Variants in TRPS1 observed in about 807,000 individuals in gnomAD.
The protein encoded by TRPS1 is zinc finger transcription factor Trps1.
TRPS1 carries 6 observed loss-of-function variants against 101.2 expected under a neutral mutation model. The ratio of observed to expected loss-of-function variants is 0.06; its 90% CI spans 0.03 to 0.12. The LOEUF is 0.12. Ranked by LOEUF, TRPS1 falls within the 10% of genes least tolerant of loss-of-function variation. The pLI, the probability that TRPS1 is intolerant of heterozygous loss-of-function variation, is 1.00. For missense variants in TRPS1, 1,363 were observed against 1,567.0 expected, an observed-to-expected ratio of 0.87 and a Z score of 2.20; for synonymous variants, 578 against 589.8, an observed-to-expected ratio of 0.98 and a Z score of 0.29.
rs540767387 is a variant in TRPS1, at chr8:115,539,750, C to T, written c.2700+47251G>A. On this transcript the variant is annotated intron_variant, in intron 5 of 6. Transcript: ENST00000395715. ...GCACACACCTGTAGTCTCAGCTACT[C>T]GGGAGGCCGAGATAGTAGGATTGCT... Among the ~76,000 whole-genome samples, 27 of 152,194 alleles carry T rather than the reference C, an allele frequency of 1.8e-4. No individual in the cohort carries two copies. In the South Asian group the frequency reaches 5.0e-3, roughly 28 times the overall value.
chr8:115,667,682 G>A (rs2130642696), intron 1 of TRPS1, among the ~76,000 whole-genome samples: 1 of 152,328 alleles, frequency 6.6e-6, no homozygotes, highest in Middle Eastern at 3.4e-3. Flanking sequence ...CCGCTCTGAG[G>A]CGGGTGCACC....
intron 5 of TRPS1, among the ~76,000 whole-genome samples, chr8:115,580,846 C>CA (rs945085219): frequency 6.6e-6 from 1 of 152,006 alleles, no homozygotes; most frequent in East Asian, 1.9e-4. Flanking sequence ...GGAGGCTCCT[C>CA]AAAAAAACCG....
intron 5 of TRPS1, among the ~76,000 whole-genome samples, chr8:115,535,128 CAT>C (rs1457741947): frequency 4.1e-5 from 6 of 145,094 alleles, no homozygotes; most frequent in African/African-American, 7.6e-5. Context: ...ATATGTATAG[CAT>C]ATATATAGCA....
At chr8:115,542,638 G>A (rs1413986065) in intron 5 of TRPS1, among the ~76,000 whole-genome samples, 1 of 152,074 alleles carries the variant, frequency 6.6e-6, no homozygotes, top group African/African-American at 2.4e-5. Context: ...TTTGCACCCT[G>A]CTTTTAGACT....
chr8:115,559,761 A>C (rs1445100659), intron 5 of TRPS1, among the ~76,000 whole-genome samples: 1 of 152,118 alleles, frequency 6.6e-6, no homozygotes, highest in African/African-American at 2.4e-5. Flanking sequence ...AATTCCTGTA[A>C]AATCTTACCC....
intron 4 of TRPS1, among the ~76,000 whole-genome samples, chr8:115,588,229 GAAAT>G (rs1013781107): frequency 2.0e-5 from 3 of 151,850 alleles, no homozygotes; most frequent in Non-Finnish European, 2.9e-5. Flanking sequence ...TTTTAAAAAA[GAAAT>G]AAAGTGTTCT....
At position 115,593,510 on chromosome 8, in the gene TRPS1, G is replaced by C. The variant is rs559336815; in HGVS notation, c.2097-5906C>G. Among the ~76,000 whole-genome samples the C allele has an allele frequency of 2.0e-5, 3 of 152,224 alleles. No homozygotes were observed. In the South Asian group the frequency reaches 6.2e-4, roughly 32 times the overall value. The stretch of plus-strand genomic sequence containing the variant: ...TCAGGAATTAGTACCTAAAAGATTT[G>C]AGCATATTTTCTGACATGTATCAGT... On this transcript the variant is annotated intron_variant, in intron 4 of 6. Transcript: ENST00000395715.
At chr8:115,422,297 A>G (rs1226020576) in intron 5 of TRPS1, among the ~76,000 whole-genome samples, 1 of 152,036 alleles carries the variant, frequency 6.6e-6, no homozygotes, top group East Asian at 1.9e-4. Flanking sequence ...ATTAATCTGG[A>G]GTTGGGCAGA....
At chr8:115,608,333 A>T (rs887993694) in intron 3 of TRPS1, among the ~76,000 whole-genome samples, 2 of 152,224 alleles carry the variant, frequency 1.3e-5, no homozygotes, top group African/African-American at 2.4e-5. Context: ...ACACGTATTT[A>T]TCCCTCTAAT....
chr8:115,532,305 T>G (rs1482363105), intron 5 of TRPS1, among the ~76,000 whole-genome samples: 1 of 152,020 alleles, frequency 6.6e-6, no homozygotes, highest in Non-Finnish European at 1.5e-5. Flanking sequence ...AATATTTGAC[T>G]GATGAAAACT....
chr8:115,523,431 T>A (rs1429325122), intron 5 of TRPS1, among the ~76,000 whole-genome samples: 12 of 152,186 alleles, frequency 7.9e-5, no homozygotes, highest in Non-Finnish European at 1.8e-4. Context: ...AAGTTTAGTA[T>A]CTGGAAAGCA....
intron 5 of TRPS1, among the ~76,000 whole-genome samples, chr8:115,555,515 CT>C (rs966713777): frequency 2.8e-4 from 42 of 147,588 alleles, no homozygotes; most frequent in Admixed American, 9.5e-4. Flanking sequence ...GCAAGTACTT[CT>C]TTTTTTTTTT....
At chr8:115,571,589 G>T (rs553195973) in intron 5 of TRPS1, among the ~76,000 whole-genome samples, 2 of 152,174 alleles carry the variant, frequency 1.3e-5, no homozygotes, top group South Asian at 4.1e-4. Flanking sequence ...ATGTGATACA[G>T]TATTAAGATA....
chr8:115,414,656 G>A lies in TRPS1; in HGVS notation c.3252C>T (p.Tyr1084=). ...SSERGSPIEK[Y]MRPAKHPNYS... The stretch of plus-strand genomic sequence containing the variant: ...AATTTGGGTGTTTCGCAGGTCTCAT[G>A]TACTTTTCTATAGGACTGCCTCTCT... Residue 1084 remains tyrosine (Y), a synonymous_variant, in exon 7 of 7, where the codon TAC becomes TAT. Coordinates refer to ENST00000395715, the MANE Select transcript of TRPS1 (RefSeq NM_014112.5). The surrounding 1 kb of genome is among the most constrained non-coding windows in gnomAD (Gnocchi z 4.8). 1 of 1,614,096 alleles carries A rather than the reference G, an allele frequency of 6.2e-7. No individual in the cohort carries two copies. Among genetic ancestry groups the A allele is most frequent in the Admixed American group, 1.7e-5 (1 of 60,016 alleles).
intron 5 of TRPS1, among the ~76,000 whole-genome samples, chr8:115,425,617 T>C (rs1479162339): frequency 6.6e-6 from 1 of 152,204 alleles, no homozygotes; most frequent in Non-Finnish European, 1.5e-5. Context: ...CTAAACACAT[T>C]AGCTCCATCT....
intron 3 of TRPS1, among the ~76,000 whole-genome samples, chr8:115,609,384 C>T (rs965677797): frequency 6.6e-6 from 1 of 152,178 alleles, no homozygotes; most frequent in Non-Finnish European, 1.5e-5. Flanking sequence ...TCTGCTGTTA[C>T]TAAGATAATA....
At chr8:115,584,025 C>A (rs1817511671) in intron 5 of TRPS1, among the ~76,000 whole-genome samples, 2 of 151,666 alleles carry the variant, frequency 1.3e-5, no homozygotes, top group African/African-American at 4.8e-5. Flanking sequence ...ATTGCTAAAA[C>A]CAGTTTAAAA....
intron 4 of TRPS1, among the ~76,000 whole-genome samples, chr8:115,591,733 G>T (rs892263895): frequency 2.6e-5 from 4 of 152,160 alleles, no homozygotes; most frequent in African/African-American, 9.7e-5. Context: ...AAGTGCAGGG[G>T]TAAGTTTTCC....
chr8:115,482,317 A>G (rs921320892), intron 5 of TRPS1, among the ~76,000 whole-genome samples: 3 of 152,214 alleles, frequency 2.0e-5, no homozygotes, highest in African/African-American at 7.2e-5. Context: ...TTTAACCTAC[A>G]TATGCAAATG....
Sources: allele counts gnomAD v4.1 joint callset (sites outside exome capture counted in the v4.1 genomes callset), GRCh38; gene constraint gnomAD v4.1.1; non-coding constraint Gnocchi (gnomAD v3.1); transcripts MANE v1.5; gene names NCBI Gene and HGNC (gene_info 2026-07-23, HGNC 2026-07-21).